Variants in RYR2 observed in about 807,000 individuals in gnomAD.
RYR2 encodes ryanodine receptor 2.
RYR2 carries 227 observed loss-of-function variants against 601.1 expected under a neutral mutation model. That is an observed-to-expected ratio of 0.38 (90% confidence interval 0.34 to 0.42). RYR2 has a LOEUF of 0.42. Among genes scored for constraint, RYR2 ranks in the 10% least tolerant of loss-of-function variants. RYR2 has a pLI of 1.00. For missense variants in RYR2, 4,646 were observed against 6,156.5 expected, an observed-to-expected ratio of 0.75 and a Z score of 8.21; for synonymous variants, 2,223 against 2,175.1, an observed-to-expected ratio of 1.02 and a Z score of -0.61.
chr1:237,695,605 C>A (rs573314383), intron 63 of RYR2, among the ~76,000 whole-genome samples: 1 of 152,222 alleles, frequency 6.6e-6, no homozygotes, highest in East Asian at 1.9e-4. Context: ...TTCCTGATAA[C>A]GTGATTGACA....
intron 4 of RYR2, among the ~76,000 whole-genome samples, chr1:237,364,028 C>T (rs1055243309): frequency 2.0e-5 from 3 of 152,056 alleles, no homozygotes; most frequent in Non-Finnish European, 4.4e-5. Context: ...AAAGCATTTG[C>T]AGAGGATCAA....
At chr1:237,147,101 T>C (rs1674081199) in intron 1 of RYR2, among the ~76,000 whole-genome samples, 4 of 152,164 alleles carry the variant, frequency 2.6e-5, no homozygotes, top group Admixed American at 2.6e-4. Context: ...ATTGAAAATA[T>C]AGATGTGAAA....
intron 12 of RYR2, among the ~76,000 whole-genome samples, chr1:237,436,474 T>TTTTTTTTTTTTTTTTTTTTTTTTTTTA (rs1707383592): frequency 7.8e-6 from 1 of 128,856 alleles, no homozygotes; most frequent in Admixed American, 8.6e-5. Flanking sequence ...TTTTTTTTTT[T>TTTTTTTTTTTTTTTTTTTTTTTTTTTA]TTTTGCATTT....
intron 2 of RYR2, among the ~76,000 whole-genome samples, chr1:237,286,313 T>G (rs1037157829): frequency 6.6e-6 from 1 of 152,036 alleles, no homozygotes; most frequent in East Asian, 1.9e-4. Context: ...TTAATTTCCA[T>G]GTATTTGCAT....
chr1:237,199,461 G>C (rs1008553453), intron 1 of RYR2, among the ~76,000 whole-genome samples: 2 of 152,214 alleles, frequency 1.3e-5, no homozygotes, highest in Admixed American at 1.3e-4. Flanking sequence ...CATCCAGCAC[G>C]GGAGAAAGAT....
At chr1:237,506,888 C>A in intron 23 of RYR2, 74 bp downstream of exon 23, 1 of 1,210,054 alleles carries the variant, frequency 8.3e-7, no homozygotes, top group Non-Finnish European at 1.2e-6. Flanking sequence ...TCTGCCTTTT[C>A]CCGCTATGGG....
intron 1 of RYR2, among the ~76,000 whole-genome samples, chr1:237,177,920 T>C (rs533837969): frequency 6.6e-6 from 1 of 152,340 alleles, no homozygotes; most frequent in African/African-American, 2.4e-5. Flanking sequence ...GGAAAATATG[T>C]ATTTTCCAGG....
Position 237,514,977 on chromosome 1 carries a change from A to C in RYR2, c.2822+3186A>C, listed in dbSNP as rs184199557. Among the ~76,000 whole-genome samples the C allele has an allele frequency of 2.9e-3, 438 of 152,358 alleles. 3 individuals are homozygous for C. Among genetic ancestry groups the C allele is most frequent in the African/African-American group, 0.01 (419 of 41,584 alleles). ...TAGAAGTTCCAAGTAACAAATAAGC[A>C]AGAAATTATTCCAGAATATCCCTTA... On this transcript the variant is annotated intron_variant, in intron 24 of 104. Coordinates refer to ENST00000366574, the MANE Select transcript of RYR2 (RefSeq NM_001035.3).
chr1:237,565,131 CTTTCTTTCTT>C lies in RYR2; in HGVS notation c.3215-1424_3215-1415del, dbSNP rs1431427440. Among the ~76,000 whole-genome samples the C allele has an allele frequency of 1.2e-4, 15 of 123,540 alleles. 1 individual carries two copies. Among genetic ancestry groups the C allele is most frequent in the South Asian group, 9.7e-4 (3 of 3,094 alleles). 81.0% of individuals were successfully genotyped at this position (123,540 alleles called of 152,430 possible). On this transcript the variant is annotated intron_variant, in intron 27 of 104. Transcript: ENST00000366574. ...TTTCTTTCTTTTTCTTTCTTTCTTTCTTTCTTTCTTTTTCTTTCTTTCTTTCTCTTTCTTT... is the reference window on the plus strand; with the variant it reads ...TTTCTTTCTTTTTCTTTCTTTCTTTCTTTCTTTCTTTCTTTCTCTTTCTTT...
chr1:237,235,924 C>T (rs779407840), intron 1 of RYR2, among the ~76,000 whole-genome samples: 34 of 152,194 alleles, frequency 2.2e-4, no homozygotes, highest in Non-Finnish European at 4.4e-4. Context: ...ATGTTCAGTG[C>T]ATACTCATAT....
chr1:237,688,601 A>G (rs755177050), intron 63 of RYR2, among the ~76,000 whole-genome samples: 1 of 152,164 alleles, frequency 6.6e-6, no homozygotes, highest in Admixed American at 6.5e-5. Flanking sequence ...GAGTTTTTAC[A>G]TTAATATTTC....
chr1:237,178,377 T>A (rs1678296295), intron 1 of RYR2, among the ~76,000 whole-genome samples: 1 of 151,958 alleles, frequency 6.6e-6, no homozygotes, highest in Non-Finnish European at 1.5e-5. Context: ...GTTAAGGCTT[T>A]TTTGTTTTTG....
At chr1:237,259,753 G>T (rs961121) in intron 1 of RYR2, among the ~76,000 whole-genome samples, 17,337 of 152,084 alleles carry the variant, frequency 0.11, 1,674 homozygotes, top group African/African-American at 0.26. Context: ...TCACAGAACC[G>T]TAAAATGTGA....
chr1:237,456,589 T>TA lies in RYR2; in HGVS notation c.1477-9dup, dbSNP rs796336168. 6.8e-7 allele frequency: 1 copy of TA among 1,472,100 alleles called. No individual in the cohort carries two copies. The allele number at this position is 1,472,100 out of a possible 1,614,324, so 91.2% of individuals were successfully genotyped here. On this transcript the variant is annotated splice_polypyrimidine_tract_variant and intron_variant, in intron 15 of 104. Coordinates refer to ENST00000366574, the MANE Select transcript of RYR2 (RefSeq NM_001035.3). ...GTCTGATTGTGATTTTTTTTTTTTT[T>TA]AACGTTCCAGGGAATGATCAACCTC...
intron 57 of RYR2, among the ~76,000 whole-genome samples, chr1:237,666,998 A>G (rs985167580): frequency 1.3e-5 from 2 of 152,118 alleles, no homozygotes; most frequent in Non-Finnish European, 2.9e-5. Flanking sequence ...AAAAATCTCT[A>G]TGTTAAATAG....
chr1:237,174,147 G>C (rs911000871), intron 1 of RYR2, among the ~76,000 whole-genome samples: 5 of 152,196 alleles, frequency 3.3e-5, no homozygotes. Context: ...TCAACATTAT[G>C]AGAATTTTTT....
rs375180398 is a variant in RYR2, at chr1:237,387,343, C to T, written c.639C>T (p.Ser213=). The T allele has an allele frequency of 2.2e-5, 36 of 1,613,964 alleles. No individual in the cohort carries two copies. In the African/African-American group the frequency reaches 2.7e-4, roughly 12 times the overall value. ...CCGCTTTCCAGCAGACTCTCTGGAG[C>T]GTGGCCCCAATCAGCTCAGGAAGTG... ...VDAAFQQTLW[S]VAPISSGSEA... Residue 213 remains serine, a synonymous_variant, in exon 9 of 105, where the codon AGC becomes AGT. Transcript: ENST00000366574.
chr1:237,172,136 T>A (rs940660079), intron 1 of RYR2, among the ~76,000 whole-genome samples: 1 of 152,256 alleles, frequency 6.6e-6, no homozygotes, highest in Non-Finnish European at 1.5e-5. Context: ...AATCATGGTT[T>A]AATTCTTTCT....
chr1:237,326,207 T>C (rs1483220896), intron 2 of RYR2, among the ~76,000 whole-genome samples: 1 of 151,826 alleles, frequency 6.6e-6, no homozygotes, highest in Non-Finnish European at 1.5e-5. Context: ...ATTCTTGAGA[T>C]TTTTTTCCCC....
Sources: gnomAD v4.1 joint callset for allele counts (sites outside exome capture counted in the v4.1 genomes callset) on GRCh38, gnomAD v4.1.1 for gene constraint, MANE v1.5 for transcripts, NCBI Gene and HGNC (gene_info 2026-07-23, HGNC 2026-07-21) for gene names.